KATNIP: variants seen among roughly 807,000 people sequenced by gnomAD.
KATNIP encodes katanin interacting protein, also known as katanin-interacting protein.
A neutral mutation model predicts 174.0 loss-of-function variants in KATNIP; 126 were observed. The observed-to-expected ratio is 0.72, with a 90% CI of 0.63 to 0.84. The LOEUF is 0.84. Among genes scored for constraint, KATNIP ranks in the 40% least tolerant of loss-of-function variants. The pLI, the probability that KATNIP is intolerant of heterozygous loss-of-function variation, is 0.00. For missense variants in KATNIP, 1,958 were observed against 2,109.7 expected (o/e 0.93, Z 1.41); for synonymous variants, 810 against 835.7 (o/e 0.97, Z 0.53).
chr16:27,708,442 T>C (rs2143000319), intron 12 of KATNIP: 2 of 418,264 alleles, frequency 4.8e-6, no homozygotes, highest in South Asian at 4.6e-5. Context: ...TTAGACATTT[T>C]TATTTATTTG....
In KATNIP at chr16:27,740,472, T is replaced by C. The variant is rs146330054; in HGVS notation, c.2175T>C (p.Pro725=). 727 of 1,614,134 alleles carry C rather than the reference T, an allele frequency of 4.5e-4. 5 individuals carry two copies. The African/African-American group carries it at 7.4e-3, about 16-fold the overall frequency. The change falls in exon 15 of 28, where the codon CCT becomes CCC. Residue 725 remains proline (P), a synonymous_variant. Coordinates refer to ENST00000261588, the MANE Select transcript of KATNIP (RefSeq NM_015202.5). ...PATSPPVKCP[P]VHEEPSLIQQ... ...CTTCCCCACCTGTGAAGTGCCCTCC[T>C]GTCCATGAGGAGCCCTCTCTCATCC...
At chr16:27,676,284 G>C (rs1391726728) in intron 6 of KATNIP, among the ~76,000 whole-genome samples, 1 of 152,194 alleles carries the variant, frequency 6.6e-6, no homozygotes, top group Non-Finnish European at 1.5e-5. Flanking sequence ...AGATTCTACT[G>C]CTACATAACA....
intron 2 of KATNIP, among the ~76,000 whole-genome samples, chr16:27,599,950 C>A (rs974626874): frequency 5.9e-5 from 9 of 152,222 alleles, no homozygotes; most frequent in Non-Finnish European, 1.0e-4. Context: ...CTCTCCTCCA[C>A]AATTAACCCA....
intron 20 of KATNIP, among the ~76,000 whole-genome samples, chr16:27,768,776 A>G (rs2082203886): frequency 6.6e-6 from 1 of 152,154 alleles, no homozygotes; most frequent in Non-Finnish European, 1.5e-5. Context: ...GGGCTCCCAA[A>G]ATGCTGAAGG....
intron 6 of KATNIP, among the ~76,000 whole-genome samples, chr16:27,655,189 T>TGG (rs2077232938): frequency 1.2e-5 from 1 of 80,942 alleles, no homozygotes; most frequent in African/African-American, 7.0e-5. Context: ...TATATATATA[T>TGG]ATATATATAT....
At chr16:27,665,664 G>A (rs1053057245) in intron 6 of KATNIP, among the ~76,000 whole-genome samples, 1 of 150,464 alleles carries the variant, frequency 6.6e-6, no homozygotes, top group Admixed American at 6.6e-5. Context: ...GCACTGGTAC[G>A]ATCTTGGCTC....
chr16:27,680,941 C>T (rs1484886357), intron 7 of KATNIP, among the ~76,000 whole-genome samples: 2 of 152,184 alleles, frequency 1.3e-5, no homozygotes, highest in East Asian at 1.9e-4. Flanking sequence ...GTGATCCACC[C>T]GTCTTGGCCT....
intron 3 of KATNIP, among the ~76,000 whole-genome samples, chr16:27,622,615 T>C (rs2076229644): frequency 6.6e-6 from 1 of 152,128 alleles, no homozygotes; most frequent in African/African-American, 2.4e-5. Context: ...GGTCCAAGAA[T>C]CCAGCAATGC....
At chr16:27,566,408 C>A (rs2090090664) in intron 1 of KATNIP, among the ~76,000 whole-genome samples, 1 of 152,120 alleles carries the variant, frequency 6.6e-6, no homozygotes, top group Non-Finnish European at 1.5e-5. Flanking sequence ...TGGTGGTGGG[C>A]TCCTGTAATC....
chr16:27,589,292 T>A (rs1370056575), intron 2 of KATNIP, among the ~76,000 whole-genome samples: 1 of 152,068 alleles, frequency 6.6e-6, no homozygotes, highest in Non-Finnish European at 1.5e-5. Context: ...AAACCAGGGG[T>A]CAACAAACTT....
intron 1 of KATNIP, among the ~76,000 whole-genome samples, chr16:27,572,594 T>C (rs1409027762): frequency 6.6e-6 from 1 of 152,088 alleles, no homozygotes; most frequent in African/African-American, 2.4e-5. Context: ...GGGACTGGGA[T>C]TCTGATTGGC....
At chr16:27,579,515 CAG>C (rs1326355871) in intron 2 of KATNIP, among the ~76,000 whole-genome samples, 2 of 152,134 alleles carry the variant, frequency 1.3e-5, no homozygotes, top group African/African-American at 4.8e-5. Context: ...TAGGATTTAA[CAG>C]AGAGATTCAC....
At position 27,601,027 on chromosome 16, in the gene KATNIP, C is replaced by T. The variant is rs1009616321; in HGVS notation, c.64-17398C>T. On this transcript the variant is annotated intron_variant, in intron 2 of 27. Transcript: ENST00000261588. Reference sequence around the variant, plus strand: ...GGATTACAGAAGTGAGCCACTGCACCCAACCTCAGTTGCCTCCTCTTGATA... The same window carrying T: ...GGATTACAGAAGTGAGCCACTGCACTCAACCTCAGTTGCCTCCTCTTGATA... Among the ~76,000 whole-genome samples, 5 of 152,154 alleles carry T rather than the reference C, an allele frequency of 3.3e-5. No homozygotes were observed. The South Asian group carries it at 1.0e-3, about 31-fold the overall frequency.
intron 2 of KATNIP, among the ~76,000 whole-genome samples, chr16:27,608,864 T>G (rs1407529564): frequency 3.3e-5 from 5 of 152,144 alleles, no homozygotes; most frequent in Admixed American, 2.0e-4. Context: ...CACCCGGCAA[T>G]CTAGCCAATT....
At chr16:27,587,716 ATTTAT>A (rs2090952608) in intron 2 of KATNIP, among the ~76,000 whole-genome samples, 1 of 152,208 alleles carries the variant, frequency 6.6e-6, no homozygotes, top group African/African-American at 2.4e-5. Flanking sequence ...ATCTCATGTA[ATTTAT>A]TGAGTACTGT....
chr16:27,555,530 C>A (rs1348048106), intron 1 of KATNIP, among the ~76,000 whole-genome samples: 1 of 152,152 alleles, frequency 6.6e-6, no homozygotes, highest in Non-Finnish European at 1.5e-5. Context: ...TGCATCAAGT[C>A]TGGCATATAA....
chr16:27,587,971 A>T (rs2090963899), intron 2 of KATNIP, among the ~76,000 whole-genome samples: 1 of 140,878 alleles, frequency 7.1e-6, no homozygotes, highest in South Asian at 2.2e-4. Flanking sequence ...GCTGGTGTGC[A>T]GTGGCATGAA....
chr16:27,756,909 T>C (rs1441815281), intron 18 of KATNIP, among the ~76,000 whole-genome samples: 1 of 152,146 alleles, frequency 6.6e-6, no homozygotes. Context: ...TTCAACACCA[T>C]CCATGTGGAA....
Position 27,630,406 on chromosome 16 carries a change from A to G in KATNIP, c.311-659A>G, listed in dbSNP as rs930996362. The stretch of plus-strand genomic sequence containing the variant: ...TGGTAAGATCCCAAGCCATTAATAT[A>G]TAGTAAAAGTCAAAACAACAACAAA... On this transcript the variant is annotated intron_variant, in intron 4 of 27. Transcript: ENST00000261588. Among the ~76,000 whole-genome samples the G allele has an allele frequency of 4.6e-5, 7 of 152,242 alleles. 1 individual carries two copies. The highest frequency in any genetic ancestry group is 1.4e-4 in the African/African-American group (6 of 41,456).
Sources: gnomAD v4.1 joint callset for allele counts (sites outside exome capture counted in the v4.1 genomes callset) on GRCh38, gnomAD v4.1.1 for gene constraint, MANE v1.5 for transcripts, NCBI Gene and HGNC (gene_info 2026-07-23, HGNC 2026-07-21) for gene names.